PPARGC1A: variants seen among roughly 807,000 people sequenced by gnomAD.
The protein encoded by PPARGC1A is peroxisome proliferator-activated receptor gamma coactivator 1-alpha.
A neutral mutation model predicts 88.7 loss-of-function variants in PPARGC1A; 25 were observed. That is an observed-to-expected ratio of 0.28 (90% CI 0.21 to 0.39). The LOEUF is 0.39. Ranked by LOEUF, PPARGC1A falls within the 10% of genes least tolerant of loss-of-function variation. The probability of loss-of-function intolerance (pLI) is 1.00; values close to 1 mark genes in which losing one functional copy is unlikely to be tolerated. For synonymous variants in PPARGC1A, 363 were observed against 355.6 expected, an observed-to-expected ratio of 1.02 and a Z score of -0.24; for missense variants, 880 against 968.7, an observed-to-expected ratio of 0.91 and a Z score of 1.22.
At chr4:24,046,478 G>A in the PPARGC1A span, among the ~76,000 whole-genome samples, 1 of 152,094 alleles carries the variant, frequency 6.6e-6, no homozygotes, top group East Asian at 1.9e-4. Flanking sequence ...GAGTCACTTT[G>A]TTAACTTGAA....
chr4:24,365,469 C>T, the PPARGC1A span, among the ~76,000 whole-genome samples: 3 of 152,074 alleles, frequency 2.0e-5, no homozygotes, highest in African/African-American at 7.2e-5. Flanking sequence ...TAAATCTACC[C>T]AGCAATATAC....
At chr4:24,327,845 C>T in the PPARGC1A span, among the ~76,000 whole-genome samples, 1 of 152,158 alleles carries the variant, frequency 6.6e-6, no homozygotes, top group Non-Finnish European at 1.5e-5. Flanking sequence ...GAGCCCAAGC[C>T]AAGCCATCGC....
the PPARGC1A span, among the ~76,000 whole-genome samples, chr4:24,459,319 C>A: frequency 2.0e-5 from 3 of 152,018 alleles, no homozygotes; most frequent in African/African-American, 7.2e-5. Flanking sequence ...AATCACGTGG[C>A]TATTAGGGGC....
chr4:24,450,933 G>A, the PPARGC1A span, among the ~76,000 whole-genome samples: 2 of 152,108 alleles, frequency 1.3e-5, no homozygotes, highest in Admixed American at 6.6e-5. Flanking sequence ...GACTGTCTCA[G>A]AAACCAAAAG....
At chr4:24,262,647 C>A in the PPARGC1A span, among the ~76,000 whole-genome samples, 1 of 152,072 alleles carries the variant, frequency 6.6e-6, no homozygotes, top group Admixed American at 6.5e-5. Context: ...ATCTATGGAC[C>A]CCTTCCAAGA....
At chr4:23,935,332 T>C in the PPARGC1A span, among the ~76,000 whole-genome samples, 2 of 152,170 alleles carry the variant, frequency 1.3e-5, no homozygotes, top group East Asian at 3.9e-4. Flanking sequence ...ATTGGTGAAA[T>C]TAAAGTGAGA....
the PPARGC1A span, among the ~76,000 whole-genome samples, chr4:23,943,959 GA>G: frequency 2.6e-5 from 4 of 151,990 alleles, no homozygotes; most frequent in Non-Finnish European, 4.4e-5. Flanking sequence ...AAAAAACAAG[GA>G]AAGTCTGATA....
At chr4:24,101,201 C>T in the PPARGC1A span, among the ~76,000 whole-genome samples, 4 of 152,144 alleles carry the variant, frequency 2.6e-5, no homozygotes, top group Admixed American at 2.6e-4. Flanking sequence ...TAATAGAGTT[C>T]TCACGAGATC....
chr4:24,027,249 G>A, the PPARGC1A span, among the ~76,000 whole-genome samples: 54,180 of 147,652 alleles, frequency 0.37, 10,354 homozygotes, highest in Non-Finnish European at 0.4. Context: ...GTGTGTGTGC[G>A]TGCATATTTT....
the PPARGC1A span, among the ~76,000 whole-genome samples, chr4:24,408,202 A>G: frequency 1.3e-5 from 2 of 151,902 alleles, no homozygotes; most frequent in African/African-American, 2.4e-5. Flanking sequence ...AATCCAGGCC[A>G]TGGAAATTTC....
the PPARGC1A span, among the ~76,000 whole-genome samples, chr4:24,144,732 A>G: frequency 6.6e-6 from 1 of 151,760 alleles, no homozygotes; most frequent in African/African-American, 2.4e-5. Context: ...CCTCCTTTGC[A>G]CCTTCATTGT....
chr4:24,446,987 C>G, the PPARGC1A span, among the ~76,000 whole-genome samples: 121 of 152,308 alleles, frequency 7.9e-4, no homozygotes, highest in African/African-American at 2.6e-3. Flanking sequence ...ACACCCCTTT[C>G]TAGAGAAGGT....
chr4:24,377,226 T>C, the PPARGC1A span, among the ~76,000 whole-genome samples: 1 of 152,098 alleles, frequency 6.6e-6, no homozygotes, highest in Non-Finnish European at 1.5e-5. Flanking sequence ...ACATTAATTT[T>C]ATCACACTTT....
the PPARGC1A span, among the ~76,000 whole-genome samples, chr4:24,021,091 G>A: frequency 1.3e-5 from 2 of 152,224 alleles, no homozygotes; most frequent in African/African-American, 4.8e-5. Flanking sequence ...ACCAAAATGT[G>A]TTGGCCTTGA....
chr4:24,398,125 T>G, the PPARGC1A span, among the ~76,000 whole-genome samples: 3 of 152,210 alleles, frequency 2.0e-5, no homozygotes, highest in East Asian at 5.8e-4. Context: ...TATAAGAACA[T>G]TTACACTGTG....
upstream of PPARGC1A, among the ~76,000 whole-genome samples, chr4:23,899,530 A>G (rs992356787): frequency 1.3e-5 from 2 of 152,226 alleles, no homozygotes; most frequent in Admixed American, 6.5e-5. Flanking sequence ...TTCCACTTAG[A>G]GTATTATGGT....
chr4:23,820,129 G>A (rs1417269941), intron 7 of PPARGC1A, among the ~76,000 whole-genome samples: 4 of 152,086 alleles, frequency 2.6e-5, no homozygotes, highest in Admixed American at 2.6e-4. Context: ...TTGTTTATTT[G>A]TGAGTCTACT....
chr4:24,031,890 G>A, the PPARGC1A span, among the ~76,000 whole-genome samples: 106 of 152,314 alleles, frequency 7.0e-4, no homozygotes, highest in African/African-American at 2.3e-3. Flanking sequence ...ACATCATCCA[G>A]TCTAACTTAG....
the PPARGC1A span, among the ~76,000 whole-genome samples, chr4:23,947,118 G>A: frequency 2.6e-5 from 4 of 151,620 alleles, no homozygotes; most frequent in African/African-American, 9.7e-5. Flanking sequence ...AGCTAACTGG[G>A]AGCAATCACC....
Sources: allele counts gnomAD v4.1 joint callset (sites outside exome capture counted in the v4.1 genomes callset), GRCh38; gene constraint gnomAD v4.1.1; transcripts MANE v1.5; gene names NCBI Gene and HGNC (gene_info 2026-07-23, HGNC 2026-07-21).